Variants in SEMA5A observed in about 807,000 individuals in gnomAD.
SEMA5A encodes the protein semaphorin-5A.
In SEMA5A, 55 loss-of-function variants were observed where a neutral mutation model predicts 135.5. That is an observed-to-expected ratio of 0.41 (90% CI 0.33 to 0.51). The LOEUF is 0.51. Ranked by LOEUF, SEMA5A falls within the 20% of genes least tolerant of loss-of-function variation. The probability of loss-of-function intolerance (pLI) is 0.37; values close to 1 mark genes in which losing one functional copy is unlikely to be tolerated. For synonymous variants in SEMA5A, 580 were observed against 546.5 expected (o/e 1.06, Z -0.85); for missense variants, 1,290 against 1,419.9 (o/e 0.91, Z 1.47).
chr5:9,522,113 C>T (rs1421981284), intron 1 of SEMA5A, among the ~76,000 whole-genome samples: 1 of 152,182 alleles, frequency 6.6e-6, no homozygotes, highest in Admixed American at 6.5e-5. Flanking sequence ...CTGTTACCTC[C>T]ACAGCCTGAC....
chr5:9,331,941 A>G (rs770110649), intron 4 of SEMA5A, among the ~76,000 whole-genome samples: 1 of 152,264 alleles, frequency 6.6e-6, no homozygotes, highest in Non-Finnish European at 1.5e-5. Flanking sequence ...TTTGTTGCAC[A>G]TACATTTATA....
chr5:9,093,360 T>C, intron 16 of SEMA5A, among the ~76,000 whole-genome samples: 1 of 152,192 alleles, frequency 6.6e-6, no homozygotes, highest in Non-Finnish European at 1.5e-5. Flanking sequence ...ACTGTGTAAA[T>C]TTTAACCCAA....
chr5:9,139,868 C>T (rs1011741725), intron 12 of SEMA5A, among the ~76,000 whole-genome samples: 1 of 152,200 alleles, frequency 6.6e-6, no homozygotes, highest in Non-Finnish European at 1.5e-5. Flanking sequence ...AGAAACATCA[C>T]TCCCCCGATT....
chr5:9,316,714 T>C lies in SEMA5A; in HGVS notation c.270+1658A>G, dbSNP rs201823493. Among the ~76,000 whole-genome samples the C allele has an allele frequency of 2.0e-5, 3 of 152,192 alleles. No individual in the cohort carries two copies. In the East Asian group the frequency reaches 5.8e-4, roughly 29 times the overall value. On this transcript the variant is annotated intron_variant, in intron 5 of 22. Transcript: ENST00000382496. ...GATAGTGTACAACATGTCACTTTGATATACGTATACGTTGTGGAATGGCTA... is the reference window on the plus strand; with the variant it reads ...GATAGTGTACAACATGTCACTTTGACATACGTATACGTTGTGGAATGGCTA...
chr5:9,409,745 C>T (rs1016313555), intron 2 of SEMA5A, among the ~76,000 whole-genome samples: 1 of 152,178 alleles, frequency 6.6e-6, no homozygotes, highest in Admixed American at 6.5e-5. Flanking sequence ...AGCGAGAGCT[C>T]GTCAGACACG....
At chr5:9,237,919 C>A in intron 5 of SEMA5A, 29 bp from the exon 6 acceptor site, 2 of 1,604,780 alleles carry the variant, frequency 1.2e-6, no homozygotes, top group Non-Finnish European at 1.7e-6. Context: ...CAATAGCAGT[C>A]ATGGTTTTGA....
intron 1 of SEMA5A, among the ~76,000 whole-genome samples, chr5:9,516,034 G>A (rs755782853): frequency 6.6e-6 from 1 of 152,106 alleles, no homozygotes; most frequent in East Asian, 1.9e-4. Context: ...TTTATTGAAC[G>A]AAACATAGCC....
At chr5:9,481,512 A>G (rs7703893) in intron 1 of SEMA5A, among the ~76,000 whole-genome samples, 1 of 152,164 alleles carries the variant, frequency 6.6e-6, no homozygotes, top group South Asian at 2.1e-4. Flanking sequence ...ATATAAACCA[A>G]CATAGTCCTG....
intron 16 of SEMA5A, among the ~76,000 whole-genome samples, chr5:9,095,652 A>C (rs1024273690): frequency 6.6e-6 from 1 of 152,270 alleles, no homozygotes; most frequent in Non-Finnish European, 1.5e-5. Context: ...TTGTTTTAAC[A>C]ACTGAAATGA....
intron 2 of SEMA5A, among the ~76,000 whole-genome samples, chr5:9,395,278 G>A (rs957846336): frequency 7.2e-5 from 11 of 152,146 alleles, no homozygotes; most frequent in South Asian, 6.2e-4. Flanking sequence ...TCAAAGAATG[G>A]GAGGTGTGAA....
At chr5:9,059,538 A>T (rs1225755274) in intron 18 of SEMA5A, among the ~76,000 whole-genome samples, 1 of 152,146 alleles carries the variant, frequency 6.6e-6, no homozygotes, top group Non-Finnish European at 1.5e-5. Flanking sequence ...ATGTGTTTTT[A>T]TATTCTCTGG....
At chr5:9,318,347 C>T in intron 5 of SEMA5A, 25 bp downstream of exon 5, 28 of 1,605,342 alleles carry the variant, frequency 1.7e-5, no homozygotes, top group Non-Finnish European at 2.2e-5. Context: ...AAAATGAAAG[C>T]TTGAGAAAAA....
chr5:9,375,248 T>C (rs1170233030), intron 3 of SEMA5A, among the ~76,000 whole-genome samples: 1 of 152,174 alleles, frequency 6.6e-6, no homozygotes, highest in Non-Finnish European at 1.5e-5. Context: ...CAGGTACCTC[T>C]GAATGTGACC....
chr5:9,144,100 C>A (rs1742203766), intron 12 of SEMA5A, among the ~76,000 whole-genome samples: 1 of 152,192 alleles, frequency 6.6e-6, no homozygotes, highest in South Asian at 2.1e-4. Context: ...TCACTTCATT[C>A]AGGGAGAAAC....
rs559791534 is a variant in SEMA5A at position 9,039,998 on chromosome 5, A to G, written c.*2899T>C. On this transcript the variant is annotated 3_prime_UTR_variant, in exon 23 of 23. Transcript: ENST00000382496. ...GAATTTAAATGTAAGACTAAAGCCAAGCCAGCTTCCTCATGAAAACCAGCC... is the reference window on the plus strand; with the variant it reads ...GAATTTAAATGTAAGACTAAAGCCAGGCCAGCTTCCTCATGAAAACCAGCC... 2 of 152,350 alleles carry G rather than the reference A, an allele frequency of 1.3e-5. No homozygotes were observed. The highest frequency in any genetic ancestry group is 2.1e-4 in the South Asian group (1 of 4,828). 9.4% of individuals were successfully genotyped at this position (152,350 alleles called of 1,614,324 possible). A position where few individuals can be genotyped will look rare whatever the true frequency, so the allele number is the denominator to read the frequency against.
intron 5 of SEMA5A, among the ~76,000 whole-genome samples, chr5:9,316,176 G>A (rs1752381645): frequency 6.6e-6 from 1 of 152,060 alleles, no homozygotes; most frequent in Admixed American, 6.6e-5. Context: ...GATTTCTTCA[G>A]CGAGCCCACT....
intron 1 of SEMA5A, among the ~76,000 whole-genome samples, chr5:9,491,928 A>G (rs1579628363): frequency 1.3e-5 from 2 of 152,158 alleles, no homozygotes; most frequent in African/African-American, 4.8e-5. Context: ...AGACAAACAC[A>G]ACTTGCCACT....
intron 12 of SEMA5A, among the ~76,000 whole-genome samples, chr5:9,138,484 C>A (rs1741884461): frequency 6.6e-6 from 1 of 152,208 alleles, no homozygotes; most frequent in South Asian, 2.1e-4. Context: ...TCTATTATTG[C>A]ACTATTCTTG....
intron 6 of SEMA5A, among the ~76,000 whole-genome samples, chr5:9,234,368 A>G (rs1405782814): frequency 6.6e-6 from 1 of 152,162 alleles, no homozygotes; most frequent in Non-Finnish European, 1.5e-5. Flanking sequence ...TTCAGTTACT[A>G]TGTTAAGAAA....
Sources: allele counts gnomAD v4.1 joint callset (sites outside exome capture counted in the v4.1 genomes callset), GRCh38; gene constraint gnomAD v4.1.1; transcripts MANE v1.5; gene names NCBI Gene and HGNC (gene_info 2026-07-23, HGNC 2026-07-21).